The following GGACT variants were observed in gnomAD, a reference collection of about 807,000 sequenced individuals.
GGACT encodes the protein gamma-glutamylamine cyclotransferase, also known as gamma-glutamylaminecyclotransferase.
For missense variants in GGACT, 241 were observed against 233.2 expected (o/e 1.03, Z -0.22); for synonymous variants, 118 against 115.3 (o/e 1.02, Z -0.15).
intron 2 of GGACT, among the ~76,000 whole-genome samples, chr13:100,542,453 T>C (rs78010327): frequency 7.1e-4 from 108 of 152,326 alleles, no homozygotes; most frequent in Non-Finnish European, 8.5e-4. Flanking sequence ...GTGCACGGAT[T>C]TCCTCATAGC....
intron 2 of GGACT, chr13:100,538,606 T>G (rs1448555107): frequency 6.6e-6 from 1 of 152,212 alleles, no homozygotes; most frequent in African/African-American, 2.4e-5. Context: ...AAACCACAGA[T>G]AAGGAGGAAT....
chr13:100,535,491 G>A (rs2088478398), intron 2 of GGACT, among the ~76,000 whole-genome samples: 1 of 152,170 alleles, frequency 6.6e-6, no homozygotes, highest in African/African-American at 2.4e-5. Flanking sequence ...ACTGTAAACT[G>A]AAGTCACAGT....
chr13:100,534,471 G>C lies in GGACT; in HGVS notation c.-10-1870C>G, dbSNP rs1174106249. Among the ~76,000 whole-genome samples the C allele has an allele frequency of 6.6e-6, 1 of 152,126 alleles. No individual in the cohort carries two copies. Among genetic ancestry groups the C allele is most frequent in the Non-Finnish European group, 1.5e-5 (1 of 68,016 alleles). ...GGCCTAAAATTGCCAGGACTCGGCT[G>C]CTGGGGTGTACGTGAAAATGACAAA... On this transcript the variant is annotated intron_variant, in intron 2 of 2. Transcript: ENST00000683975. The surrounding 1 kb of genome is among the most constrained non-coding windows in gnomAD (Gnocchi z 4.9).
intron 2 of GGACT, among the ~76,000 whole-genome samples, chr13:100,571,027 CAG>C (rs1373172626): frequency 6.6e-6 from 1 of 152,062 alleles, no homozygotes; most frequent in Non-Finnish European, 1.5e-5. Flanking sequence ...TGTGAAAACA[CAG>C]TGCCAGAATG....
chr13:100,532,633 C>T lies in GGACT; in HGVS notation c.-10-32G>A, dbSNP rs2088429458. On this transcript the variant is annotated intron_variant, in intron 2 of 2. Transcript: ENST00000683975. ...GGAGAGGGGAAGTCACAGGTCAGCC[C>T]GCAGTGGGAGCTCTGTGTCTGCACC... is the stretch of plus-strand genomic sequence containing the variant. The T allele has an allele frequency of 2.7e-6, 4 of 1,479,176 alleles. No homozygotes were observed. In the African/African-American group the frequency reaches 4.2e-5, roughly 15 times the overall value. 91.6% of individuals were successfully genotyped at this position (1,479,176 alleles called of 1,614,324 possible). A position where few individuals can be genotyped will look rare whatever the true frequency, so the allele number is the denominator to read the frequency against.
intron 2 of GGACT, chr13:100,533,556 T>C (rs1277857168): frequency 6.6e-6 from 1 of 152,256 alleles, no homozygotes; most frequent in Non-Finnish European, 1.5e-5. Context: ...TATAATTTTG[T>C]AACCACCTGC....
intron 2 of GGACT, chr13:100,579,902 C>T (rs1875363645): frequency 6.6e-6 from 1 of 152,136 alleles, no homozygotes; most frequent in South Asian, 2.1e-4. Flanking sequence ...GAGGGATCAC[C>T]CCCTTTCTGC....
At chr13:100,585,050 A>T (rs1198419639) in intron 1 of GGACT, among the ~76,000 whole-genome samples, 2 of 152,232 alleles carry the variant, frequency 1.3e-5, no homozygotes, top group Non-Finnish European at 2.9e-5. Context: ...CATGAACCTA[A>T]TTAAGCCTCT....
At chr13:100,541,450 C>T (rs1330187473) in intron 2 of GGACT, among the ~76,000 whole-genome samples, 1 of 152,210 alleles carries the variant, frequency 6.6e-6, no homozygotes, top group African/African-American at 2.4e-5. Flanking sequence ...ACTGTGCAGG[C>T]ATGAGCACCT....
intron 2 of GGACT, among the ~76,000 whole-genome samples, chr13:100,573,694 T>A (rs1253584059): frequency 1.3e-5 from 2 of 151,580 alleles, no homozygotes; most frequent in Non-Finnish European, 2.9e-5. Context: ...GAACACAGGA[T>A]CAACAAGCAA....
chr13:100,557,234 A>G (rs837316), intron 2 of GGACT, among the ~76,000 whole-genome samples: 1,765 of 152,338 alleles, frequency 0.012, 33 homozygotes, highest in African/African-American at 0.041. Flanking sequence ...TACAATAAAC[A>G]AGACAGTGTG....
Position 100,565,610 on chromosome 13 carries a change from T to C in GGACT, c.-11+18215A>G, listed in dbSNP as rs570004593. Among the ~76,000 whole-genome samples, 4 of 152,212 alleles carry C rather than the reference T, an allele frequency of 2.6e-5. No individual in the cohort carries two copies. In the East Asian group the frequency reaches 7.8e-4, roughly 30 times the overall value. On this transcript the variant is annotated intron_variant, in intron 2 of 2. Coordinates refer to ENST00000683975, the MANE Select transcript of GGACT (RefSeq NM_001195087.2). ...TTCCTCCCCAGCTGCTTGAGCAGTGTTTTACGTTGATGATGACGCCCATTT... is the reference window on the plus strand; with the variant it reads ...TTCCTCCCCAGCTGCTTGAGCAGTGCTTTACGTTGATGATGACGCCCATTT...
Position 100,558,346 on chromosome 13 carries a change from A to G in GGACT, c.-11+25479T>C, listed in dbSNP as rs116881925. Among the ~76,000 whole-genome samples, 326 of 152,294 alleles carry G rather than the reference A, an allele frequency of 2.1e-3. 13 individuals are homozygous for G. The East Asian group carries it at 0.04, about 19-fold the overall frequency. ...CAAAACCAAACAAACAAAATGTGCA[A>G]AAGATTTAAACTGACACTTTACCAA... On this transcript the variant is annotated intron_variant, in intron 2 of 2. Coordinates refer to ENST00000683975, the MANE Select transcript of GGACT (RefSeq NM_001195087.2).
chr13:100,532,495 G>T lies in GGACT; in HGVS notation c.97C>A (p.Arg33Ser). Reference sequence around the variant, plus strand: ...GGGTAGGGCTCCAGCGTGCGGCCGCGCGCCCGAAAGGCTGCGGAGCCGTGG... The same window carrying T: ...GGGTAGGGCTCCAGCGTGCGGCCGCTCGCCCGAAAGGCTGCGGAGCCGTGG... ...GAHGSAAFRARGRTLEPYPLV... is the reference protein window; with the variant it reads ...GAHGSAAFRASGRTLEPYPLV... The change falls in exon 3 of 3, where the codon CGC becomes AGC. Residue 33 changes from arginine (R) to serine (S), a missense_variant. Coordinates refer to ENST00000683975, the MANE Select transcript of GGACT (RefSeq NM_001195087.2). 1.3e-6 allele frequency: 2 copies of T among 1,548,816 alleles called. No homozygotes were observed. The highest frequency in any genetic ancestry group is 1.2e-5 in the South Asian group (1 of 83,982).
chr13:100,558,733 G>A (rs4771367), intron 2 of GGACT, among the ~76,000 whole-genome samples: 58,000 of 151,908 alleles, frequency 0.38, 11,985 homozygotes, highest in Non-Finnish European at 0.47. Flanking sequence ...TAAGCCAGGC[G>A]TAGAAAGACA....
chr13:100,566,983 T>TA (rs1370790407), intron 2 of GGACT, among the ~76,000 whole-genome samples: 1 of 152,264 alleles, frequency 6.6e-6, no homozygotes, highest in Non-Finnish European at 1.5e-5. Flanking sequence ...TTGCAGGCCA[T>TA]TGATTTGGTT....
chr13:100,588,038 G>C (rs1247903684), intron 1 of GGACT, among the ~76,000 whole-genome samples: 1 of 152,120 alleles, frequency 6.6e-6, no homozygotes, highest in Non-Finnish European at 1.5e-5. Context: ...ACAATAAAAA[G>C]GGCCAGAAAT....
intron 2 of GGACT, among the ~76,000 whole-genome samples, chr13:100,543,609 G>A (rs1201859064): frequency 6.6e-6 from 1 of 152,184 alleles, no homozygotes; most frequent in Non-Finnish European, 1.5e-5. Flanking sequence ...AGTAAAATCT[G>A]TATGTCATCA....
At chr13:100,587,983 G>T (rs1320417796) in intron 1 of GGACT, among the ~76,000 whole-genome samples, 1 of 152,152 alleles carries the variant, frequency 6.6e-6, no homozygotes, top group African/African-American at 2.4e-5. Flanking sequence ...CCGAGATCGC[G>T]CCACTGCACT....
Sources: allele counts gnomAD v4.1 joint callset (sites outside exome capture counted in the v4.1 genomes callset), GRCh38; gene constraint gnomAD v4.1.1; non-coding constraint Gnocchi (gnomAD v3.1); transcripts MANE v1.5; gene names NCBI Gene and HGNC (gene_info 2026-07-23, HGNC 2026-07-21).